Variants in ELMO1 observed in about 807,000 individuals in gnomAD.
ELMO1 encodes engulfment and cell motility protein 1.
ELMO1 carries 26 observed loss-of-function variants against 98.9 expected under a neutral mutation model. That is an observed-to-expected ratio of 0.26 (90% CI 0.19 to 0.36). The LOEUF is 0.36. ELMO1 is among the 10% of genes least tolerant of loss of function. ELMO1 has a pLI of 1.00. For synonymous variants in ELMO1, 346 were observed against 346.0 expected, an observed-to-expected ratio of 1.00 and a Z score of 0.00; for missense variants, 627 against 935.2, an observed-to-expected ratio of 0.67 and a Z score of 4.30.
intron 13 of ELMO1, among the ~76,000 whole-genome samples, chr7:37,198,142 A>AAAGAGC (rs1431732376): frequency 2.0e-5 from 3 of 152,176 alleles, no homozygotes; most frequent in African/African-American, 7.2e-5. Flanking sequence ...CGCTTCCTTC[A>AAAGAGC]CTAAAGAGGC....
chr7:37,089,218 T>C (rs929621325), intron 15 of ELMO1, among the ~76,000 whole-genome samples: 2 of 152,072 alleles, frequency 1.3e-5, no homozygotes, highest in African/African-American at 4.8e-5. Context: ...AAAGCAGAGG[T>C]GTCTGGGTGA....
intron 1 of ELMO1, among the ~76,000 whole-genome samples, chr7:37,362,033 C>A (rs943560104): frequency 1.3e-5 from 2 of 152,064 alleles, no homozygotes; most frequent in Non-Finnish European, 2.9e-5. Flanking sequence ...CACAAGGGAA[C>A]TTTTCAGGGT....
chr7:37,291,859 G>C (rs1318837225), intron 4 of ELMO1, among the ~76,000 whole-genome samples: 2 of 150,154 alleles, frequency 1.3e-5, no homozygotes. Context: ...AGGTTGCAGT[G>C]AGCCGAGATC....
chr7:37,377,468 G>A (rs1331876208), intron 1 of ELMO1, among the ~76,000 whole-genome samples: 2 of 151,936 alleles, frequency 1.3e-5, no homozygotes, highest in Non-Finnish European at 2.9e-5. Context: ...CACCAACAAG[G>A]GTAGAATGGG....
chr7:36,904,104 A>AT (rs1294662258), intron 16 of ELMO1, among the ~76,000 whole-genome samples: 1 of 152,184 alleles, frequency 6.6e-6, no homozygotes. Context: ...AAAGTAGCCC[A>AT]TACCTCCTTG....
At chr7:37,378,798 C>T (rs1382749533) in intron 1 of ELMO1, among the ~76,000 whole-genome samples, 2 of 152,022 alleles carry the variant, frequency 1.3e-5, no homozygotes, top group African/African-American at 2.4e-5. Context: ...ACAGATCCGA[C>T]CTTGTGAGTA....
chr7:37,168,312 G>C (rs926871619), intron 13 of ELMO1, among the ~76,000 whole-genome samples: 1 of 150,748 alleles, frequency 6.6e-6, no homozygotes, highest in African/African-American at 2.4e-5. Context: ...TAGTTTGATC[G>C]TCTGAAGCCT....
At chr7:37,361,080 A>T (rs948209048) in intron 1 of ELMO1, among the ~76,000 whole-genome samples, 1 of 152,228 alleles carries the variant, frequency 6.6e-6, no homozygotes, top group Non-Finnish European at 1.5e-5. Context: ...TAAGACTTTG[A>T]AAAACAGTTT....
At chr7:36,977,184 A>C (rs894144082) in intron 16 of ELMO1, among the ~76,000 whole-genome samples, 3 of 152,226 alleles carry the variant, frequency 2.0e-5, no homozygotes, top group African/African-American at 7.2e-5. Context: ...GCATAGGAGG[A>C]TGTACTCTTC....
At chr7:37,158,793 C>G (rs1473908123) in intron 13 of ELMO1, among the ~76,000 whole-genome samples, 2 of 152,200 alleles carry the variant, frequency 1.3e-5, no homozygotes, top group Admixed American at 6.5e-5. Context: ...ACCCAGCCAT[C>G]CCATTACTGG....
chr7:37,148,673 G>T (rs1788156328), intron 13 of ELMO1, among the ~76,000 whole-genome samples: 1 of 152,162 alleles, frequency 6.6e-6, no homozygotes, highest in South Asian at 2.1e-4. Context: ...AAATAGTATT[G>T]TCAAGGTTTA....
intron 16 of ELMO1, among the ~76,000 whole-genome samples, chr7:36,925,188 T>C (rs2129078503): frequency 6.6e-6 from 1 of 152,322 alleles, no homozygotes; most frequent in South Asian, 2.1e-4. Context: ...ACCATTCCAC[T>C]TCCCAAGGCT....
chr7:37,161,008 G>A (rs1345365), intron 13 of ELMO1, among the ~76,000 whole-genome samples: 94,009 of 151,990 alleles, frequency 0.62, 31,297 homozygotes, highest in Non-Finnish European at 0.73. Flanking sequence ...TACAACACTG[G>A]AAAGTAATAG....
intron 7 of ELMO1, among the ~76,000 whole-genome samples, chr7:37,239,921 T>A (rs1794670819): frequency 6.6e-6 from 1 of 152,252 alleles, no homozygotes. Flanking sequence ...TCTTCTTGGC[T>A]GACTAGCAAG....
chr7:37,125,524 A>G (rs1025372102), intron 14 of ELMO1, among the ~76,000 whole-genome samples: 2 of 152,260 alleles, frequency 1.3e-5, no homozygotes, highest in Non-Finnish European at 2.9e-5. Flanking sequence ...CAGCCAACAG[A>G]CACATGAAGA....
At chr7:37,430,226 G>A (rs143797886) in intron 1 of ELMO1, among the ~76,000 whole-genome samples, 282 of 152,286 alleles carry the variant, frequency 1.9e-3, no homozygotes, top group African/African-American at 6.4e-3. Flanking sequence ...TTGGCCAACA[G>A]GACACAGGCC....
At chr7:37,113,987 T>C (rs1785407226) in intron 14 of ELMO1, among the ~76,000 whole-genome samples, 1 of 152,198 alleles carries the variant, frequency 6.6e-6, no homozygotes, top group African/African-American at 2.4e-5. Flanking sequence ...ATGTGATATT[T>C]TGTTATGGCA....
intron 5 of ELMO1, among the ~76,000 whole-genome samples, chr7:37,260,809 C>T (rs952689686): frequency 6.6e-6 from 1 of 152,142 alleles, no homozygotes; most frequent in African/African-American, 2.4e-5. Flanking sequence ...CTTATCTATT[C>T]ACTGATCTAC....
At chr7:37,017,803 CTAATA>C (rs1348707268) in intron 15 of ELMO1, among the ~76,000 whole-genome samples, 16 of 138,636 alleles carry the variant, frequency 1.2e-4, no homozygotes, top group Non-Finnish European at 2.1e-4. Context: ...TGTGAAATTA[CTAATA>C]TATTAAAAAA....
Sources: allele counts gnomAD v4.1 joint callset (sites outside exome capture counted in the v4.1 genomes callset), GRCh38; gene constraint gnomAD v4.1.1; transcripts MANE v1.5; gene names NCBI Gene and HGNC (gene_info 2026-07-23, HGNC 2026-07-21).